The following CEP128 variants were observed in gnomAD, a reference collection of about 807,000 sequenced individuals.
The protein encoded by CEP128 is centrosomal protein 128.
Under a neutral mutation model 156.7 loss-of-function variants are expected in CEP128, and 132 were observed. The observed-to-expected ratio is 0.84, with a 90% CI of 0.73 to 0.97. The LOEUF is 0.97. Ranked by LOEUF, CEP128 falls within the 50% of genes least tolerant of loss-of-function variation. The pLI, the probability that CEP128 is intolerant of heterozygous loss-of-function variation, is 0.00. For missense variants in CEP128, 1,252 were observed against 1,281.9 expected, an observed-to-expected ratio of 0.98 and a Z score of 0.36; for synonymous variants, 469 against 448.9, an observed-to-expected ratio of 1.04 and a Z score of -0.57.
chr14:80,931,100 A>G (rs1885434089), intron 2 of CEP128, among the ~76,000 whole-genome samples: 1 of 152,198 alleles, frequency 6.6e-6, no homozygotes, highest in South Asian at 2.1e-4. Flanking sequence ...TTTTTATGTG[A>G]TATATTTTTC....
intron 19 of CEP128, among the ~76,000 whole-genome samples, chr14:80,634,305 AAT>A (rs1455195039): frequency 6.6e-6 from 1 of 152,176 alleles, no homozygotes; most frequent in Non-Finnish European, 1.5e-5. Flanking sequence ...GTGAGTCTTT[AAT>A]GTTTTCCTCT....
intron 9 of CEP128, among the ~76,000 whole-genome samples, chr14:80,856,294 G>T (rs1465080419): frequency 1.3e-5 from 2 of 152,156 alleles, no homozygotes; most frequent in South Asian, 2.1e-4. Context: ...TCATATGTAA[G>T]CATAGAATAT....
At chr14:80,900,819 A>C (rs1275596255) in intron 6 of CEP128, among the ~76,000 whole-genome samples, 3 of 152,250 alleles carry the variant, frequency 2.0e-5, no homozygotes, top group Non-Finnish European at 2.9e-5. Context: ...AAAATTAAAA[A>C]AGTAAAAAAA....
chr14:80,773,724 GA>G (rs1410063980), intron 16 of CEP128, among the ~76,000 whole-genome samples: 1 of 152,038 alleles, frequency 6.6e-6, no homozygotes. Context: ...AGATTCCAGT[GA>G]AACTAATAAA....
At chr14:80,525,947 C>A (rs1888955369) in intron 23 of CEP128, among the ~76,000 whole-genome samples, 1 of 151,774 alleles carries the variant, frequency 6.6e-6, no homozygotes, top group South Asian at 2.1e-4. Flanking sequence ...AATGAATATT[C>A]ATACATATTC....
intron 19 of CEP128, among the ~76,000 whole-genome samples, chr14:80,717,847 CTTT>C (rs1897665108): frequency 6.6e-6 from 1 of 152,274 alleles, no homozygotes; most frequent in East Asian, 1.9e-4. Context: ...CAAGGTCTCA[CTTT>C]ATTGCCCAGG....
At chr14:80,580,553 A>G in intron 19 of CEP128, 130 bp from the exon 20 acceptor site, 1 of 596,190 alleles carries the variant, frequency 1.7e-6, no homozygotes, top group Non-Finnish European at 3.0e-6. Flanking sequence ...TTTAAGTGTG[A>G]GAAGCCATGT....
At chr14:80,526,772 A>T in intron 23 of CEP128, 97 bp downstream of exon 23, 1 of 591,420 alleles carries the variant, frequency 1.7e-6, no homozygotes, top group Non-Finnish European at 3.0e-6. Flanking sequence ...TTCTTTCACA[A>T]GTGCCCTTAC....
intron 2 of CEP128, among the ~76,000 whole-genome samples, chr14:80,921,625 C>T (rs1296145037): frequency 6.6e-6 from 1 of 152,016 alleles, no homozygotes; most frequent in Non-Finnish European, 1.5e-5. Flanking sequence ...AGAAACAGAA[C>T]AAAAATAGCT....
At chr14:80,706,495 A>G (rs1449242983) in intron 19 of CEP128, among the ~76,000 whole-genome samples, 2 of 152,046 alleles carry the variant, frequency 1.3e-5, no homozygotes, top group East Asian at 1.9e-4. Context: ...CTAGGCCTCC[A>G]TGATTTCAGA....
intron 23 of CEP128, among the ~76,000 whole-genome samples, chr14:80,524,730 T>A (rs558806986): frequency 2.6e-5 from 4 of 152,342 alleles, no homozygotes; most frequent in African/African-American, 9.6e-5. Flanking sequence ...ATCTGTGACA[T>A]ATGGTGATAG....
At chr14:80,937,726 A>G (rs1371427406) in intron 2 of CEP128, among the ~76,000 whole-genome samples, 1 of 152,170 alleles carries the variant, frequency 6.6e-6, no homozygotes, top group Non-Finnish European at 1.5e-5. Context: ...TAACTACTTT[A>G]TATCAGAATC....
At chr14:80,950,906 G>GAA (rs59969729) in intron 2 of CEP128, among the ~76,000 whole-genome samples, 17,353 of 114,762 alleles carry the variant, frequency 0.15, 1,358 homozygotes, top group East Asian at 0.44. Flanking sequence ...TCCCGAGTAA[G>GAA]AAAAAAAAAA....
intron 2 of CEP128, among the ~76,000 whole-genome samples, chr14:80,924,273 T>A (rs145280745): frequency 8.4e-4 from 128 of 152,350 alleles, no homozygotes; most frequent in African/African-American, 2.8e-3. Flanking sequence ...TGCTCTTCTG[T>A]AACTTCATCT....
chr14:80,714,725 T>C (rs1897539551), intron 19 of CEP128, among the ~76,000 whole-genome samples: 1 of 151,172 alleles, frequency 6.6e-6, no homozygotes, highest in Non-Finnish European at 1.5e-5. Flanking sequence ...TCCATCATAC[T>C]CTCTGCCCAC....
At chr14:80,692,024 A>G (rs1166020319) in intron 19 of CEP128, among the ~76,000 whole-genome samples, 1 of 152,168 alleles carries the variant, frequency 6.6e-6, no homozygotes, top group African/African-American at 2.4e-5. Flanking sequence ...GGGCACTCCC[A>G]AAAATTGTTA....
chr14:80,921,684 C>T (rs913561936), intron 2 of CEP128, among the ~76,000 whole-genome samples: 4 of 152,090 alleles, frequency 2.6e-5, no homozygotes, highest in African/African-American at 9.7e-5. Flanking sequence ...AACAGTCCGG[C>T]CGGGCGCAGT....
At chr14:80,549,173 T>C (rs1312348784) in intron 21 of CEP128, among the ~76,000 whole-genome samples, 2 of 152,166 alleles carry the variant, frequency 1.3e-5, no homozygotes, top group South Asian at 2.1e-4. Flanking sequence ...AGATCCCTCA[T>C]GAGAGATTCA....
intron 2 of CEP128, among the ~76,000 whole-genome samples, chr14:80,934,963 A>G (rs915967939): frequency 1.3e-5 from 2 of 152,230 alleles, no homozygotes; most frequent in Admixed American, 1.3e-4. Context: ...TAATTTCTGT[A>G]CTAAGTGCTT....
Sources: gnomAD v4.1 joint callset for allele counts (sites outside exome capture counted in the v4.1 genomes callset) on GRCh38, gnomAD v4.1.1 for gene constraint, MANE v1.5 for transcripts, NCBI Gene and HGNC (gene_info 2026-07-23, HGNC 2026-07-21) for gene names.